The following ABCC4 variants were observed in gnomAD, a reference collection of about 807,000 sequenced individuals.
ABCC4 encodes the protein ATP binding cassette subfamily C member 4 (PEL blood group), also known as ATP-binding cassette sub-family C member 4.
ABCC4 carries 102 observed loss-of-function variants against 168.5 expected under a neutral mutation model. That is an observed-to-expected ratio of 0.61 (90% CI 0.52 to 0.71). The LOEUF is 0.71. Among genes scored for constraint, ABCC4 ranks in the 30% least tolerant of loss-of-function variants. The pLI is 0.00. For missense variants in ABCC4, 1,402 were observed against 1,605.8 expected, an observed-to-expected ratio of 0.87 and a Z score of 2.17; for synonymous variants, 617 against 590.7, an observed-to-expected ratio of 1.04 and a Z score of -0.65.
At chr13:95,100,878 A>G (rs1449361665) in intron 20 of ABCC4, among the ~76,000 whole-genome samples, 1 of 152,180 alleles carries the variant, frequency 6.6e-6, no homozygotes, top group Admixed American at 6.5e-5. Flanking sequence ...GAAGGGGTGA[A>G]CAAACCTCAG....
chr13:95,123,030 A>G (rs2139429507), intron 19 of ABCC4, among the ~76,000 whole-genome samples: 1 of 152,342 alleles, frequency 6.6e-6, no homozygotes, highest in African/African-American at 2.4e-5. Flanking sequence ...GAGTTTCAAA[A>G]GTATGTATGT....
chr13:95,291,232 G>A (rs535451094), intron 1 of ABCC4, among the ~76,000 whole-genome samples: 3 of 152,108 alleles, frequency 2.0e-5, no homozygotes, highest in African/African-American at 7.2e-5. Context: ...GCCCGCACCT[G>A]TAGTCCCAGC....
intron 20 of ABCC4, among the ~76,000 whole-genome samples, chr13:95,104,172 G>A (rs1021710582): frequency 5.9e-5 from 9 of 152,188 alleles, no homozygotes; most frequent in Admixed American, 5.2e-4. Context: ...AGGCTGGAGT[G>A]CAGTGGTATG....
At chr13:95,277,886 A>G in intron 1 of ABCC4, among the ~76,000 whole-genome samples, 1 of 152,168 alleles carries the variant, frequency 6.6e-6, no homozygotes, top group African/African-American at 2.4e-5. Flanking sequence ...TCCTGGAGAA[A>G]GGCAGCAAGC....
chr13:95,104,707 C>G (rs1328194566), intron 20 of ABCC4, among the ~76,000 whole-genome samples: 2 of 152,238 alleles, frequency 1.3e-5, no homozygotes. Flanking sequence ...GGATAAGTAG[C>G]ATGAATACGT....
At chr13:95,208,604 ATTTC>A (rs2038854300) in intron 6 of ABCC4, among the ~76,000 whole-genome samples, 3 of 89,512 alleles carry the variant, frequency 3.4e-5, no homozygotes, top group East Asian at 4.0e-4. Context: ...CAAAAGCTGT[ATTTC>A]TTTTTTTTTT....
intron 26 of ABCC4, among the ~76,000 whole-genome samples, chr13:95,061,728 G>C (rs1000618429): frequency 2.0e-5 from 3 of 151,680 alleles, no homozygotes; most frequent in Non-Finnish European, 4.4e-5. Context: ...CATGTCTGGA[G>C]TTGAATATGT....
At chr13:95,155,212 CTT>C (rs532277887) in intron 19 of ABCC4, among the ~76,000 whole-genome samples, 9 of 144,958 alleles carry the variant, frequency 6.2e-5, no homozygotes, top group African/African-American at 5.1e-5. Flanking sequence ...AGGAATCATT[CTT>C]TTTTTTTTTT....
At position 95,266,840 on chromosome 13, in the gene ABCC4, T is replaced by G. The variant is rs542325445; in HGVS notation, c.75-19087A>C. On this transcript the variant is annotated intron_variant, in intron 1 of 30. Transcript: ENST00000645237. ...CTACTCAAATCTCTTTTTTTTTTTT[T>G]TGAGATGGAGTTTCGCTCTGTCTCC... 2.3e-3 allele frequency among the ~76,000 whole-genome samples: 354 copies of G among 151,590 alleles called. 3 individuals are homozygous for G. Among genetic ancestry groups the G allele is most frequent in the African/African-American group, 7.3e-3 (300 of 41,288 alleles).
At chr13:95,164,625 A>C in intron 15 of ABCC4, 107 bp from the exon 16 acceptor site, 2 of 1,204,190 alleles carry the variant, frequency 1.7e-6, no homozygotes, top group Non-Finnish European at 2.4e-6. Flanking sequence ...CAGAAGTCCA[A>C]AATGATCCAT....
chr13:95,168,520 A>T (rs907484040), intron 14 of ABCC4, among the ~76,000 whole-genome samples: 2 of 152,246 alleles, frequency 1.3e-5, no homozygotes, highest in African/African-American at 4.8e-5. Context: ...TGTTGCAATA[A>T]TGTGAAATTT....
chr13:95,123,822 C>T (rs2139431261), intron 19 of ABCC4, among the ~76,000 whole-genome samples: 1 of 152,342 alleles, frequency 6.6e-6, no homozygotes, highest in East Asian at 1.9e-4. Context: ...GAAGGCACAA[C>T]AGCAGGGGGG....
intron 20 of ABCC4, among the ~76,000 whole-genome samples, chr13:95,084,710 T>C (rs891603311): frequency 2.0e-5 from 3 of 152,216 alleles, no homozygotes; most frequent in Admixed American, 6.5e-5. Context: ...CAAACGTCTA[T>C]TTCAGAGGCA....
intron 20 of ABCC4, among the ~76,000 whole-genome samples, chr13:95,084,800 T>C (rs983672407): frequency 2.0e-5 from 3 of 152,250 alleles, no homozygotes; most frequent in African/African-American, 7.2e-5. Context: ...CACTTACCCA[T>C]CACCTCACCC....
At chr13:95,069,926 G>A (rs1678392) in intron 25 of ABCC4, among the ~76,000 whole-genome samples, 20,856 of 152,156 alleles carry the variant, frequency 0.14, 1,570 homozygotes, top group Admixed American at 0.18. Context: ...TTATGAACAC[G>A]GGTGGGCCAC....
intron 27 of ABCC4, among the ~76,000 whole-genome samples, chr13:95,051,687 A>T (rs1021196324): frequency 4.7e-5 from 7 of 148,826 alleles, no homozygotes; most frequent in African/African-American, 1.7e-4. Context: ...TTATTTTGGG[A>T]TGGAGTTTCA....
chr13:95,043,875 A>T lies in ABCC4; in HGVS notation c.3630-88T>A, dbSNP rs115186938. 4,388 of 663,344 alleles carry T rather than the reference A, an allele frequency of 6.6e-3. 127 individuals are homozygous for T. Among genetic ancestry groups the T allele is most frequent in the African/African-American group, 0.062 (3,331 of 53,956 alleles). 41.1% of individuals were successfully genotyped at this position (663,344 alleles called of 1,614,324 possible). ...AAGCTCTACTTCACAATAGAGATTT[A>T]AAAAAAAAAGATCATATCTATTTAA... is the stretch of plus-strand genomic sequence containing the variant. On this transcript the variant is annotated intron_variant, in intron 28 of 30. Coordinates refer to ENST00000645237, the MANE Select transcript of ABCC4 (RefSeq NM_005845.5).
intron 20 of ABCC4, among the ~76,000 whole-genome samples, 192 bp downstream of exon 20, chr13:95,115,730 A>T (rs2035353717): frequency 6.6e-6 from 1 of 152,196 alleles, no homozygotes; most frequent in Non-Finnish European, 1.5e-5. Flanking sequence ...ACTCCCACAC[A>T]CAAGGTATTA....
intron 1 of ABCC4, among the ~76,000 whole-genome samples, chr13:95,296,940 T>C (rs2138969499): frequency 6.6e-6 from 1 of 152,284 alleles, no homozygotes; most frequent in Middle Eastern, 3.4e-3. Context: ...AAAGAAATTC[T>C]AGCTGCCTTT....
Sources: allele counts gnomAD v4.1 joint callset (sites outside exome capture counted in the v4.1 genomes callset), GRCh38; gene constraint gnomAD v4.1.1; transcripts MANE v1.5; gene names NCBI Gene and HGNC (gene_info 2026-07-23, HGNC 2026-07-21).